Variants in CD2AP observed in about 807,000 individuals in gnomAD.
The protein encoded by CD2AP is CD2 associated protein.
CD2AP carries 46 observed loss-of-function variants against 85.1 expected under a neutral mutation model. The observed-to-expected ratio is 0.54, with a 90% CI of 0.43 to 0.69. CD2AP has a LOEUF of 0.69. Ranked by LOEUF, CD2AP falls within the 30% of genes least tolerant of loss-of-function variation. CD2AP has a pLI of 0.00. For missense variants in CD2AP, 769 were observed against 729.5 expected (o/e 1.05, Z -0.62); for synonymous variants, 255 against 252.9 (o/e 1.01, Z -0.08).
At chr6:47,490,338 T>C (rs1183722306) in intron 1 of CD2AP, among the ~76,000 whole-genome samples, 1 of 152,198 alleles carries the variant, frequency 6.6e-6, no homozygotes, top group Non-Finnish European at 1.5e-5. Context: ...TTTACTTACA[T>C]ACCCAAAAGT....
chr6:47,492,358 T>TC (rs1157929753), intron 1 of CD2AP, among the ~76,000 whole-genome samples: 1 of 147,428 alleles, frequency 6.8e-6, no homozygotes, highest in Non-Finnish European at 1.5e-5. Context: ...TTTTTTTTTT[T>TC]TTTTTTTTTT....
intron 11 of CD2AP, among the ~76,000 whole-genome samples, chr6:47,589,379 T>TATATACACACACACACACACACAC (rs144886557): frequency 7.9e-5 from 11 of 139,438 alleles, no homozygotes; most frequent in Middle Eastern, 3.6e-3. Context: ...CTCTTGAATA[T>TATATACACACACACACACACACAC]ACACACACAC....
intron 2 of CD2AP, among the ~76,000 whole-genome samples, chr6:47,525,974 A>G (rs1766711507): frequency 6.6e-6 from 1 of 152,046 alleles, no homozygotes; most frequent in African/African-American, 2.4e-5. Flanking sequence ...TTTTTACTAC[A>G]TCTCCTGAAG....
chr6:47,578,067 A>C (rs1422891378), intron 8 of CD2AP, among the ~76,000 whole-genome samples: 1 of 152,166 alleles, frequency 6.6e-6, no homozygotes, highest in African/African-American at 2.4e-5. Context: ...ATAGCAGCTA[A>C]AATCATTTAG....
At chr6:47,602,699 G>C (rs978923109) in intron 13 of CD2AP, among the ~76,000 whole-genome samples, 1 of 151,474 alleles carries the variant, frequency 6.6e-6, no homozygotes, top group Non-Finnish European at 1.5e-5. Context: ...AGACTAGCCT[G>C]GGTAACATAG....
chr6:47,511,901 G>A (rs1467281153), intron 2 of CD2AP, among the ~76,000 whole-genome samples: 1 of 151,934 alleles, frequency 6.6e-6, no homozygotes, highest in East Asian at 1.9e-4. Context: ...GCTCACACTT[G>A]TAATCCCAGC....
At chr6:47,513,602 A>G (rs1766374011) in intron 2 of CD2AP, among the ~76,000 whole-genome samples, 1 of 151,972 alleles carries the variant, frequency 6.6e-6, no homozygotes, top group Admixed American at 6.6e-5. Flanking sequence ...TATAGGAGAG[A>G]CACCTTTACT....
intron 5 of CD2AP, among the ~76,000 whole-genome samples, chr6:47,567,010 A>G (rs971492052): frequency 6.6e-6 from 1 of 152,112 alleles, no homozygotes; most frequent in African/African-American, 2.4e-5. Context: ...TTAAGGGTCA[A>G]GAAGTGGAAA....
At chr6:47,574,020 T>G in intron 5 of CD2AP, 44 bp from the exon 6 acceptor site, 1 of 1,533,594 alleles carries the variant, frequency 6.5e-7, no homozygotes. Context: ...TCAAGCGTTT[T>G]GTGATTCTAG....
At chr6:47,616,220 T>TA (rs1320581131) in intron 17 of CD2AP, among the ~76,000 whole-genome samples, 1 of 150,552 alleles carries the variant, frequency 6.6e-6, no homozygotes, top group Non-Finnish European at 1.5e-5. Context: ...GCCTCCCGGG[T>TA]AGCTAGGACT....
At chr6:47,478,289 C>G in intron 1 of CD2AP, 41 bp downstream of exon 1, 2 of 1,564,802 alleles carry the variant, frequency 1.3e-6, no homozygotes, top group Non-Finnish European at 1.7e-6. Flanking sequence ...TCCGGACCTT[C>G]CAGACCCGGG....
chr6:47,537,667 A>G (rs536876268), intron 3 of CD2AP, among the ~76,000 whole-genome samples: 28 of 152,292 alleles, frequency 1.8e-4, no homozygotes, highest in Non-Finnish European at 2.9e-4. Context: ...TGATAGTGAT[A>G]ATGAAGATTT....
intron 1 of CD2AP, among the ~76,000 whole-genome samples, chr6:47,502,207 C>T (rs561296443): frequency 6.6e-6 from 1 of 152,328 alleles, no homozygotes; most frequent in African/African-American, 2.4e-5. Flanking sequence ...TGGCTTACAG[C>T]ATAGCAGCTT....
In CD2AP at chr6:47,543,229, T is replaced by C. The variant is rs574323467; in HGVS notation, c.320-1377T>C. 3.3e-5 allele frequency among the ~76,000 whole-genome samples: 5 copies of C among 149,682 alleles called. No individual in the cohort carries two copies. In the South Asian group the frequency reaches 6.4e-4, roughly 19 times the overall value. ...AGCTATTTGGGAGTGTCTTCTAAGC[T>C]GAGAAGTGAAGATGAGTTGAAGGTG... On this transcript the variant is annotated intron_variant, in intron 3 of 17. Coordinates refer to ENST00000359314, the MANE Select transcript of CD2AP (RefSeq NM_012120.3).
At chr6:47,603,071 T>C (rs1769183270) in intron 13 of CD2AP, among the ~76,000 whole-genome samples, 1 of 152,074 alleles carries the variant, frequency 6.6e-6, no homozygotes, top group Non-Finnish European at 1.5e-5. Flanking sequence ...AGAAATAATT[T>C]ATGGTGGAAT....
intron 2 of CD2AP, among the ~76,000 whole-genome samples, chr6:47,514,570 T>C (rs1042742337): frequency 6.6e-6 from 1 of 152,196 alleles, no homozygotes; most frequent in Admixed American, 6.5e-5. Context: ...AGTAAACAAA[T>C]GCTTAGTTGA....
intron 1 of CD2AP, among the ~76,000 whole-genome samples, chr6:47,484,870 G>C (rs900229431): frequency 7.2e-5 from 11 of 152,138 alleles, no homozygotes; most frequent in African/African-American, 2.7e-4. Context: ...ATGCAATCAT[G>C]AGCCCCTTAG....
At chr6:47,530,628 A>G (rs1006600473) in intron 2 of CD2AP, among the ~76,000 whole-genome samples, 1 of 152,114 alleles carries the variant, frequency 6.6e-6, no homozygotes, top group Non-Finnish European at 1.5e-5. Context: ...CTGAATTTTA[A>G]CTGCCTGGTT....
intron 4 of CD2AP, among the ~76,000 whole-genome samples, chr6:47,550,453 A>C (rs537594776): frequency 1.3e-5 from 2 of 152,314 alleles, no homozygotes; most frequent in South Asian, 4.1e-4. Context: ...GACATGTTCA[A>C]CATCACCAAT....
Sources: allele counts gnomAD v4.1 joint callset (sites outside exome capture counted in the v4.1 genomes callset), GRCh38; gene constraint gnomAD v4.1.1; transcripts MANE v1.5; gene names NCBI Gene and HGNC (gene_info 2026-07-23, HGNC 2026-07-21).